The following CDK5RAP1 variants were observed in gnomAD, a reference collection of about 807,000 sequenced individuals.
CDK5RAP1 encodes CDK5RAP1 mitochondrial tRNA methylthiotransferase, also known as mitochondrial tRNA methylthiotransferase CDK5RAP1.
In CDK5RAP1, 62 loss-of-function variants were observed where a neutral mutation model predicts 64.5. The observed-to-expected ratio is 0.96, with a 90% CI of 0.78 to 1.19. The LOEUF (loss-of-function observed/expected upper bound fraction) is 1.19. Ranked by LOEUF, CDK5RAP1 falls within the 50% of genes most tolerant of loss-of-function variation. The pLI is 0.00. For missense variants in CDK5RAP1, 657 were observed against 735.0 expected (o/e 0.89, Z 1.23); for synonymous variants, 250 against 261.9 (o/e 0.95, Z 0.44).
chr20:33,385,181 A>G (rs886602856), intron 7 of CDK5RAP1, among the ~76,000 whole-genome samples: 1 of 152,234 alleles, frequency 6.6e-6, no homozygotes, highest in African/African-American at 2.4e-5. Context: ...CTGTCCCTCA[A>G]CTAGTGAGCT....
chr20:33,377,932 G>A (rs1986222921), intron 8 of CDK5RAP1, among the ~76,000 whole-genome samples: 1 of 152,316 alleles, frequency 6.6e-6, no homozygotes, highest in African/African-American at 2.4e-5. Context: ...GATTAAAGGT[G>A]TGAGTCACTG....
chr20:33,386,483 G>A (rs887643565), intron 6 of CDK5RAP1, among the ~76,000 whole-genome samples: 1 of 152,134 alleles, frequency 6.6e-6, no homozygotes, highest in African/African-American at 2.4e-5. Context: ...ATTATAAAGT[G>A]TGTGTATATG....
chr20:33,367,274 C>T (rs1327634713), intron 11 of CDK5RAP1, among the ~76,000 whole-genome samples: 2 of 152,134 alleles, frequency 1.3e-5, no homozygotes, highest in South Asian at 2.1e-4. Context: ...TTTATCCTAA[C>T]GTTACACTTG....
intron 6 of CDK5RAP1, among the ~76,000 whole-genome samples, chr20:33,386,183 C>T (rs1008220738): frequency 6.6e-6 from 1 of 152,178 alleles, no homozygotes; most frequent in Admixed American, 6.5e-5. Context: ...CCTGCCTCAG[C>T]CTCCTGAGTA....
intron 7 of CDK5RAP1, among the ~76,000 whole-genome samples, chr20:33,380,019 C>T (rs1439835681): frequency 6.6e-6 from 1 of 152,136 alleles, no homozygotes; most frequent in Non-Finnish European, 1.5e-5. Context: ...TACACCATGA[C>T]TATATAAAGT....
intron 5 of CDK5RAP1, among the ~76,000 whole-genome samples, chr20:33,391,593 A>C (rs925696073): frequency 6.6e-5 from 10 of 152,134 alleles, no homozygotes; most frequent in Non-Finnish European, 1.5e-4. Context: ...AGGCTGAGGC[A>C]GGCGGATCAC....
chr20:33,380,808 CTGGCTAACATGG>C (rs1208391229), intron 7 of CDK5RAP1, among the ~76,000 whole-genome samples: 24 of 152,168 alleles, frequency 1.6e-4, no homozygotes, highest in African/African-American at 5.5e-4. Context: ...TCAGACCAGC[CTGGCTAACATGG>C]TGAAATCCCT....
At position 33,396,998 on chromosome 20, in the gene CDK5RAP1, A is replaced by G. The variant is rs1988964880; in HGVS notation, c.67T>C (p.Ser23Pro). The change falls in exon 2 of 14, where the codon TCT (serine) becomes CCT (proline). Residue 23 changes from serine (S) to proline (P), a missense_variant. Ser to Pro is a moderately conservative substitution (Grantham distance 74). Coordinates refer to ENST00000346416, the MANE Select transcript of CDK5RAP1 (RefSeq NM_016408.4). ...CTGCACATCCTCAGCGACAGCCAAGACACAGAGGCCAATGGTCCCCACCCC... is the reference window on the plus strand; with the variant it reads ...CTGCACATCCTCAGCGACAGCCAAGGCACAGAGGCCAATGGTCCCCACCCC... ...SLGWGPLASV[S>P]WLSLRMCRAH... 3.1e-6 allele frequency: 5 copies of G among 1,614,074 alleles called. No individual in the cohort carries two copies. In the East Asian group the frequency reaches 6.7e-5, roughly 22 times the overall value.
intron 5 of CDK5RAP1, among the ~76,000 whole-genome samples, chr20:33,389,395 C>A (rs1321125176): frequency 2.6e-5 from 4 of 151,700 alleles, no homozygotes; most frequent in Admixed American, 6.6e-5. Flanking sequence ...CGGCAGCCGC[C>A]CCGTCTGAGA....
At chr20:33,360,216 C>G in intron 13 of CDK5RAP1, 135 bp downstream of exon 13, 1 of 734,496 alleles carries the variant, frequency 1.4e-6, no homozygotes, top group South Asian at 1.9e-5. Context: ...ATCCAAAGTG[C>G]CCTTCCATTG....
chr20:33,386,491 A>T (rs1267363733), intron 6 of CDK5RAP1, among the ~76,000 whole-genome samples: 1 of 152,210 alleles, frequency 6.6e-6, no homozygotes, highest in African/African-American at 2.4e-5. Context: ...GTGTGTGTAT[A>T]TGTGTGTATA....
chr20:33,386,067 T>C (rs1987391638), intron 6 of CDK5RAP1, among the ~76,000 whole-genome samples: 1 of 152,150 alleles, frequency 6.6e-6, no homozygotes, highest in African/African-American at 2.4e-5. Context: ...TCTACTGTTT[T>C]TTTGTTTTGT....
chr20:33,397,326 G>A (rs1025562162), intron 1 of CDK5RAP1, among the ~76,000 whole-genome samples: 2 of 152,236 alleles, frequency 1.3e-5, no homozygotes, highest in Non-Finnish European at 2.9e-5. Flanking sequence ...AGGGGTGGTA[G>A]AGATGAGATG....
In CDK5RAP1 at chr20:33,370,574, A is replaced by C; in HGVS notation, c.1317T>G (p.Asp439Glu). 1 of 1,614,136 alleles carries C rather than the reference A, an allele frequency of 6.2e-7. No homozygotes were observed. Among genetic ancestry groups the C allele is most frequent in the Non-Finnish European group, 8.5e-7 (1 of 1,180,000 alleles). ...GGAGCAAAGAGACTGTCTGGACGTG[A>C]TCTTCCTCCGTCTCACCACAAAAGC... ...IAGFCGETEE[D>E]HVQTVSLLRE... The change falls in exon 11 of 14, where the codon GAT becomes GAG. Residue 439 changes from aspartate (D) to glutamate (E), a missense_variant. By Grantham distance (45) the Asp-to-Glu change is conservative. Transcript: ENST00000346416.
At chr20:33,361,777 G>A (rs756934825) in intron 12 of CDK5RAP1, among the ~76,000 whole-genome samples, 2 of 151,960 alleles carry the variant, frequency 1.3e-5, no homozygotes, top group East Asian at 1.9e-4. Flanking sequence ...ACAACATGGC[G>A]AAACCCCGTC....
chr20:33,363,222 G>C (rs530152463), intron 12 of CDK5RAP1, among the ~76,000 whole-genome samples: 1 of 152,314 alleles, frequency 6.6e-6, no homozygotes, highest in South Asian at 2.1e-4. Flanking sequence ...TCAAGGTCAT[G>C]GAAGTCAAAG....
chr20:33,398,005 AAG>A (rs1438251524), intron 1 of CDK5RAP1, among the ~76,000 whole-genome samples: 2 of 152,176 alleles, frequency 1.3e-5, no homozygotes, highest in African/African-American at 4.8e-5. Context: ...ACAAAAAAAA[AAG>A]AGTTTCAAAC....
Position 33,360,631 on chromosome 20 carries a change from C to T in CDK5RAP1, c.1543-140G>A, listed in dbSNP as rs549067438. 419 of 719,458 alleles carry T rather than the reference C, an allele frequency of 5.8e-4. 1 individual carries two copies. Among genetic ancestry groups the T allele is most frequent in the South Asian group, 8.0e-4 (41 of 51,360 alleles). The allele number at this position is 719,458 out of a possible 1,614,324, so 44.6% of individuals were successfully genotyped here. A position where few individuals can be genotyped will look rare whatever the true frequency, so the allele number is the denominator to read the frequency against. On this transcript the variant is annotated intron_variant, in intron 12 of 13. Coordinates refer to ENST00000346416, the MANE Select transcript of CDK5RAP1 (RefSeq NM_016408.4). ...CTTAACCAAGGAATCACTGAAGACT[C>T]AGTGTTTGCTGCTGCTTCACCAGCA...
At chr20:33,367,062 T>G (rs1648047663) in intron 11 of CDK5RAP1, 54 bp from the exon 12 acceptor site, 1 of 1,549,422 alleles carries the variant, frequency 6.5e-7, no homozygotes, top group Non-Finnish European at 8.8e-7. Flanking sequence ...ACTTGTAGAA[T>G]CTATTCTTAA....
Sources: allele counts gnomAD v4.1 joint callset (sites outside exome capture counted in the v4.1 genomes callset), GRCh38; gene constraint gnomAD v4.1.1; transcripts MANE v1.5; gene names NCBI Gene and HGNC (gene_info 2026-07-23, HGNC 2026-07-21).